Variants in CCDC150 observed in about 807,000 individuals in gnomAD.
CCDC150 encodes the protein coiled-coil domain-containing protein 150.
Under a neutral mutation model 156.5 loss-of-function variants are expected in CCDC150, and 151 were observed. That is an observed-to-expected ratio of 0.97 (90% confidence interval 0.85 to 1.10). The LOEUF (loss-of-function observed/expected upper bound fraction) is 1.10, where lower values mean the gene tolerates loss of function less well. Among genes scored for constraint, CCDC150 ranks in the 50% least tolerant of loss-of-function variants. The pLI, the probability that CCDC150 is intolerant of heterozygous loss-of-function variation, is 0.00. For synonymous variants in CCDC150, 452 were observed against 429.4 expected (o/e 1.05, Z -0.65); for missense variants, 1,312 against 1,268.1 (o/e 1.03, Z -0.53).
chr2:196,656,052 G>A (rs1381355019), intron 2 of CCDC150, among the ~76,000 whole-genome samples: 1 of 152,118 alleles, frequency 6.6e-6, no homozygotes. Context: ...TTGAGTTGTA[G>A]GCCCTTCTCT....
intron 18 of CCDC150, 103 bp downstream of exon 18, chr2:196,718,734 A>G (rs1279801237): frequency 1.3e-5 from 18 of 1,427,684 alleles, no homozygotes; most frequent in Non-Finnish European, 1.6e-5. Flanking sequence ...TAGAATAAGG[A>G]TTGATCAGGG....
chr2:196,714,500 A>G (rs1292754310), intron 17 of CCDC150, among the ~76,000 whole-genome samples: 2 of 151,532 alleles, frequency 1.3e-5, no homozygotes, highest in African/African-American at 4.9e-5. Flanking sequence ...ATCCTTTGCT[A>G]CTTGCTGGGG....
At chr2:196,724,964 A>G (rs1448643865) in intron 21 of CCDC150, among the ~76,000 whole-genome samples, 4 of 152,174 alleles carry the variant, frequency 2.6e-5, no homozygotes, top group African/African-American at 4.8e-5. Context: ...ACCAAAGTAT[A>G]TTGATACATT....
chr2:196,694,634 C>T (rs1000972140), intron 13 of CCDC150, among the ~76,000 whole-genome samples: 5 of 151,954 alleles, frequency 3.3e-5, no homozygotes, highest in Admixed American at 3.3e-4. Context: ...GGGGCTGAGG[C>T]GGGCAGATCA....
At position 196,676,223 on chromosome 2, in the gene CCDC150, A is replaced by G; in HGVS notation, c.1218A>G (p.Glu406=). The G allele has an allele frequency of 6.2e-7, 1 of 1,613,730 alleles. No homozygotes were observed. Among genetic ancestry groups the G allele is most frequent in the East Asian group, 2.2e-5 (1 of 44,864 alleles). ...CAGCCCATGCCAGTATCACAAATGA[A>G]CTACAGACTGTTCAGAATGAGAAAA... is the stretch of plus-strand genomic sequence containing the variant. ...LDAAHASITN[E]LQTVQNEKTQ... is the part of the protein sequence containing the mutation. Residue 406 remains glutamate, a synonymous_variant, in exon 11 of 28, where the codon GAA becomes GAG. Transcript: ENST00000389175.
At chr2:196,667,339 TCTC>T (rs1420096521) in intron 7 of CCDC150, 5 of 164,356 alleles carry the variant, frequency 3.0e-5, no homozygotes, top group South Asian at 1.6e-4. Context: ...CTTAGATTAA[TCTC>T]CTCTTTTTAT....
intron 21 of CCDC150, among the ~76,000 whole-genome samples, chr2:196,723,978 T>C (rs986507191): frequency 1.3e-5 from 2 of 152,142 alleles, no homozygotes; most frequent in African/African-American, 4.8e-5. Context: ...TTAAAGATTA[T>C]GGAAAAGAAC....
At chr2:196,731,637 G>A (rs908247049) in intron 26 of CCDC150, among the ~76,000 whole-genome samples, 6 of 151,846 alleles carry the variant, frequency 4.0e-5, no homozygotes, top group Non-Finnish European at 5.9e-5. Context: ...CACCAGCCTT[G>A]GCCTCCCAAA....
At position 196,673,880 on chromosome 2, in the gene CCDC150, C is replaced by A. The variant is rs926340035; in HGVS notation, c.1030-361C>A. 5.3e-5 allele frequency among the ~76,000 whole-genome samples: 8 copies of A among 152,068 alleles called. No individual in the cohort carries two copies. In the East Asian group the frequency reaches 1.3e-3, roughly 26 times the overall value. On this transcript the variant is annotated intron_variant, in intron 9 of 27. Coordinates refer to ENST00000389175, the MANE Select transcript of CCDC150 (RefSeq NM_001080539.2). ...ATTTTGTGTTACCAGCTAAATAATT[C>A]TGAATGCTCATGGATTTCTATAATA...
intron 13 of CCDC150, among the ~76,000 whole-genome samples, chr2:196,683,567 G>A (rs1224357976): frequency 1.3e-5 from 2 of 152,054 alleles, no homozygotes; most frequent in South Asian, 4.1e-4. Context: ...GTTGGGAAGA[G>A]TTTGTGAGGG....
At chr2:196,676,929 T>C (rs1694540000) in intron 12 of CCDC150, among the ~76,000 whole-genome samples, 198 bp downstream of exon 12, 1 of 152,230 alleles carries the variant, frequency 6.6e-6, no homozygotes, top group South Asian at 2.1e-4. Context: ...CAGTATATAC[T>C]TATCCGGCGT....
intron 8 of CCDC150, 83 bp downstream of exon 8, chr2:196,669,959 T>C: frequency 1.0e-6 from 1 of 964,722 alleles, no homozygotes; most frequent in South Asian, 1.7e-5. Flanking sequence ...TGGCTTACAG[T>C]GCTTCTTACT....
At chr2:196,710,526 C>G (rs760467433) in intron 15 of CCDC150, among the ~76,000 whole-genome samples, 20 of 152,200 alleles carry the variant, frequency 1.3e-4, no homozygotes, top group Non-Finnish European at 2.4e-4. Flanking sequence ...CCAACCAGTC[C>G]CAATGAGATG....
chr2:196,659,740 C>T (rs1693440996), intron 5 of CCDC150, among the ~76,000 whole-genome samples: 1 of 152,096 alleles, frequency 6.6e-6, no homozygotes, highest in Non-Finnish European at 1.5e-5. Context: ...GTCCTGTATA[C>T]CCCTCTCTCC....
chr2:196,713,389 G>C, intron 17 of CCDC150: 3 of 1,527,152 alleles, frequency 2.0e-6, no homozygotes, highest in Non-Finnish European at 1.8e-6. Flanking sequence ...CCCCAGAGAG[G>C]ACTGCATCTT....
chr2:196,688,351 T>C (rs970084780), intron 13 of CCDC150, among the ~76,000 whole-genome samples: 7 of 152,204 alleles, frequency 4.6e-5, no homozygotes, highest in African/African-American at 1.7e-4. Context: ...TTTTATTCTT[T>C]TTGTGGCAAC....
intron 17 of CCDC150, chr2:196,713,557 G>C: frequency 6.5e-7 from 1 of 1,550,148 alleles, no homozygotes; most frequent in Non-Finnish European, 8.7e-7. Flanking sequence ...GAGACTCTAG[G>C]ATCTCTCTAA....
intron 17 of CCDC150, among the ~76,000 whole-genome samples, chr2:196,715,254 A>G (rs1697423148): frequency 6.6e-6 from 1 of 152,174 alleles, no homozygotes; most frequent in African/African-American, 2.4e-5. Flanking sequence ...CCAAAATCTT[A>G]TCAATAAGAG....
At chr2:196,722,320 G>T (rs1390664850) in intron 21 of CCDC150, among the ~76,000 whole-genome samples, 2 of 152,118 alleles carry the variant, frequency 1.3e-5, no homozygotes, top group Admixed American at 6.5e-5. Flanking sequence ...CTGTTGCCCA[G>T]GCTGGAGTTC....
Sources: gnomAD v4.1 joint callset for allele counts (sites outside exome capture counted in the v4.1 genomes callset) on GRCh38, gnomAD v4.1.1 for gene constraint, MANE v1.5 for transcripts, NCBI Gene and HGNC (gene_info 2026-07-23, HGNC 2026-07-21) for gene names.